Variants in CDH2 observed in about 807,000 individuals in gnomAD.
The protein encoded by CDH2 is cadherin 2, also known as cadherin-2.
Under a neutral mutation model 92.0 loss-of-function variants are expected in CDH2, and 17 were observed. The observed-to-expected ratio is 0.18, with a 90% CI of 0.13 to 0.28. The LOEUF (loss-of-function observed/expected upper bound fraction) is 0.28. CDH2 is among the 10% of genes least tolerant of loss of function. The pLI is 1.00. For synonymous variants in CDH2, 419 were observed against 415.9 expected (o/e 1.01, Z -0.09); for missense variants, 862 against 1,133.1 (o/e 0.76, Z 3.44).
Position 27,951,300 on chromosome 18 carries a change from G to A in CDH2, c.*853C>T, listed in dbSNP as rs200660336. The A allele has an allele frequency of 6.6e-6, 1 of 151,606 alleles. No individual in the cohort carries two copies. The highest frequency in any genetic ancestry group is 1.5e-5 in the Non-Finnish European group (1 of 67,836). 9.4% of individuals were successfully genotyped at this position (151,606 alleles called of 1,614,324 possible). ...GTATTCTAACTACAGCTCAACAATTGAATCAAATGTCACTGTTTTGTAAAT... is the reference window on the plus strand; with the variant it reads ...GTATTCTAACTACAGCTCAACAATTAAATCAAATGTCACTGTTTTGTAAAT... On this transcript the variant is annotated 3_prime_UTR_variant, in exon 16 of 16. Transcript: ENST00000269141.
intron 1 of CDH2, among the ~76,000 whole-genome samples, chr18:28,153,570 C>G (rs1013229864): frequency 6.6e-6 from 1 of 152,174 alleles, no homozygotes. Flanking sequence ...GCCCTAAGCC[C>G]TGGGCTCTTA....
chr18:28,027,854 T>G (rs2013599021), intron 2 of CDH2, among the ~76,000 whole-genome samples: 1 of 151,822 alleles, frequency 6.6e-6, no homozygotes, highest in Non-Finnish European at 1.5e-5. Context: ...TTGTTTTTTT[T>G]TTTTGCAGAA....
At chr18:28,066,112 T>C (rs1241235712) in intron 2 of CDH2, among the ~76,000 whole-genome samples, 2 of 152,188 alleles carry the variant, frequency 1.3e-5, no homozygotes, top group Non-Finnish European at 2.9e-5. Context: ...TGCTCTCTGA[T>C]AATAACCATT....
chr18:27,989,133 C>T (rs980125570), intron 10 of CDH2, among the ~76,000 whole-genome samples: 1 of 152,198 alleles, frequency 6.6e-6, no homozygotes, highest in Non-Finnish European at 1.5e-5. Flanking sequence ...CATGAAGCCA[C>T]ACTGGAGAGA....
At chr18:28,142,298 A>C (rs1161697891) in intron 2 of CDH2, among the ~76,000 whole-genome samples, 1 of 152,038 alleles carries the variant, frequency 6.6e-6, no homozygotes, top group Non-Finnish European at 1.5e-5. Context: ...AAGAGATCTC[A>C]GCTAGTCCAA....
chr18:27,956,000 C>T (rs909027165), intron 15 of CDH2, among the ~76,000 whole-genome samples: 3 of 151,918 alleles, frequency 2.0e-5, no homozygotes, highest in East Asian at 1.9e-4. Flanking sequence ...CTCTTCTGAA[C>T]GAGGTATTAT....
chr18:27,938,652 A>C (rs1425458621), intron 6 of CDH2, among the ~76,000 whole-genome samples: 1 of 152,174 alleles, frequency 6.6e-6, no homozygotes, highest in Non-Finnish European at 1.5e-5. Flanking sequence ...CTTTCACTCT[A>C]GTAAGTTATA....
chr18:28,103,326 A>T (rs1178837848), intron 2 of CDH2, among the ~76,000 whole-genome samples: 2 of 136,964 alleles, frequency 1.5e-5, no homozygotes, highest in South Asian at 2.2e-4. Flanking sequence ...TATATATATA[A>T]AAACTCCTTT....
intron 2 of CDH2, among the ~76,000 whole-genome samples, chr18:28,126,745 C>T (rs998687668): frequency 6.6e-6 from 1 of 152,118 alleles, no homozygotes; most frequent in Admixed American, 6.5e-5. Flanking sequence ...GTGCTTGACA[C>T]AGAAGATAGA....
chr18:28,023,211 T>C (rs1041597787), intron 2 of CDH2, among the ~76,000 whole-genome samples: 13 of 152,312 alleles, frequency 8.5e-5, no homozygotes, highest in Admixed American at 7.2e-4. Flanking sequence ...AGCTGCTATG[T>C]GAGTAAAACT....
chr18:27,952,108 T>C lies in CDH2; in HGVS notation c.*45A>G. 1.3e-6 allele frequency: 2 copies of C among 1,485,582 alleles called. No individual in the cohort carries two copies. Among genetic ancestry groups the C allele is most frequent in the Non-Finnish European group, 9.4e-7 (1 of 1,063,988 alleles). 92.0% of individuals were successfully genotyped at this position (1,485,582 alleles called of 1,614,324 possible). A position where few individuals can be genotyped will look rare whatever the true frequency, so the allele number is the denominator to read the frequency against. On this transcript the variant is annotated 3_prime_UTR_variant, in exon 16 of 16. Coordinates refer to ENST00000269141, the MANE Select transcript of CDH2 (RefSeq NM_001792.5). ...TCTGAATGCTTTTTGGGAATATCAG[T>C]TGAAATTGTTTGTACTTGTCCAAAA...
chr18:27,981,050 G>A (rs1190411361), intron 14 of CDH2, among the ~76,000 whole-genome samples: 1 of 152,068 alleles, frequency 6.6e-6, no homozygotes, highest in Admixed American at 6.5e-5. Context: ...TTCAGATTAG[G>A]TGACATTAAA....
chr18:27,942,750 C>T (rs1237406559), intron 6 of CDH2, among the ~76,000 whole-genome samples: 1 of 152,144 alleles, frequency 6.6e-6, no homozygotes, highest in Non-Finnish European at 1.5e-5. Context: ...CAAAATTGTT[C>T]AGCTTACAAC....
At chr18:28,084,176 T>C (rs1370570648) in intron 2 of CDH2, among the ~76,000 whole-genome samples, 1 of 152,164 alleles carries the variant, frequency 6.6e-6, no homozygotes, top group African/African-American at 2.4e-5. Flanking sequence ...TCTGAGCTTT[T>C]AGAAATAATC....
intron 2 of CDH2, among the ~76,000 whole-genome samples, chr18:28,051,599 AAAGAT>A (rs1162341197): frequency 6.6e-6 from 1 of 152,150 alleles, no homozygotes; most frequent in Non-Finnish European, 1.5e-5. Context: ...CATTTTTATT[AAAGAT>A]AATAGAACCT....
At chr18:27,933,552 C>A (rs1322879296) in intron 6 of CDH2, among the ~76,000 whole-genome samples, 2 of 151,918 alleles carry the variant, frequency 1.3e-5, no homozygotes, top group Non-Finnish European at 2.9e-5. Flanking sequence ...AATTCCAGTT[C>A]TTAGGTTGGA....
chr18:27,958,528 T>C (rs34465712), intron 15 of CDH2, among the ~76,000 whole-genome samples: 12 of 149,998 alleles, frequency 8.0e-5, no homozygotes, highest in African/African-American at 2.9e-4. Context: ...TGTATATTTG[T>C]ATATACACAT....
At chr18:27,993,417 T>C in intron 8 of CDH2, 83 bp downstream of exon 8, 2 of 1,387,162 alleles carry the variant, frequency 1.4e-6, no homozygotes, top group Non-Finnish European at 2.0e-6. Flanking sequence ...TCCACCTCTA[T>C]TTAACACATT....
intron 2 of CDH2, among the ~76,000 whole-genome samples, chr18:28,055,240 G>C (rs967864578): frequency 1.3e-5 from 2 of 152,114 alleles, no homozygotes; most frequent in Non-Finnish European, 2.9e-5. Flanking sequence ...ACCACCATGA[G>C]AACAGTGTGG....
Sources: gnomAD v4.1 joint callset for allele counts (sites outside exome capture counted in the v4.1 genomes callset) on GRCh38, gnomAD v4.1.1 for gene constraint, MANE v1.5 for transcripts, NCBI Gene and HGNC (gene_info 2026-07-23, HGNC 2026-07-21) for gene names.